The following MMP26 variants were observed in gnomAD, a reference collection of about 807,000 sequenced individuals.
MMP26 encodes the protein matrix metallopeptidase 26.
A neutral mutation model predicts 31.0 loss-of-function variants in MMP26; 33 were observed. That is an observed-to-expected ratio of 1.06 (90% CI 0.81 to 1.42). The LOEUF (loss-of-function observed/expected upper bound fraction) is 1.42. Ranked by LOEUF, MMP26 falls within the 40% of genes most tolerant of loss-of-function variation. The pLI, the probability that MMP26 is intolerant of heterozygous loss-of-function variation, is 0.00. For synonymous variants in MMP26, 122 were observed against 114.9 expected, an observed-to-expected ratio of 1.06 and a Z score of -0.40; for missense variants, 347 against 316.1, an observed-to-expected ratio of 1.10 and a Z score of -0.74.
intron 2 of MMP26, among the ~76,000 whole-genome samples, chr11:4,872,316 A>G (rs774484819): frequency 7.2e-5 from 11 of 152,132 alleles, no homozygotes; most frequent in Non-Finnish European, 1.3e-4. Flanking sequence ...TTTAAAACCA[A>G]TAAAGAGTCT....
chr11:4,901,423 G>T (rs1018093211), intron 2 of MMP26, among the ~76,000 whole-genome samples: 1 of 152,042 alleles, frequency 6.6e-6, no homozygotes, highest in African/African-American at 2.4e-5. Flanking sequence ...GCCTCCCAAA[G>T]TGCTGGGATT....
rs148858423 is a variant in MMP26, at chr11:4,982,205, T to C, written c.-144-5863T>C. Among the ~76,000 whole-genome samples the C allele has an allele frequency of 2.7e-3, 415 of 152,224 alleles. 8 individuals are homozygous for C. Among genetic ancestry groups the C allele is most frequent in the African/African-American group, 9.8e-3 (408 of 41,530 alleles). On this transcript the variant is annotated intron_variant, in intron 2 of 7. Coordinates refer to ENST00000380390, the MANE Select transcript of MMP26 (RefSeq NM_021801.5). ...AATACATACACCAATAACAGTTGTT[T>C]ATTATCTTTATCAGGAATTATATAC...
At chr11:4,894,997 T>C (rs1850679649) in intron 2 of MMP26, among the ~76,000 whole-genome samples, 1 of 152,022 alleles carries the variant, frequency 6.6e-6, no homozygotes, top group African/African-American at 2.4e-5. Flanking sequence ...AGAGGTAGAG[T>C]TGGCAAAGCC....
intron 2 of MMP26, among the ~76,000 whole-genome samples, chr11:4,779,302 T>C (rs1160726069): frequency 6.6e-6 from 1 of 150,468 alleles, no homozygotes; most frequent in Non-Finnish European, 1.5e-5. Context: ...ACTTTTTTCA[T>C]ATGGAGAATA....
intron 2 of MMP26, among the ~76,000 whole-genome samples, chr11:4,869,347 CA>C (rs1850280584): frequency 6.6e-6 from 1 of 152,132 alleles, no homozygotes; most frequent in South Asian, 2.1e-4. Flanking sequence ...CCAGAATCTA[CA>C]AAGAACTTAA....
rs118154428 is a variant in MMP26 at position 4,788,015 on chromosome 11, A to T, written c.-145+20674A>T. 9.7e-4 allele frequency among the ~76,000 whole-genome samples: 148 copies of T among 152,306 alleles called. 2 individuals are homozygous for T. The East Asian group carries it at 0.025, about 26-fold the overall frequency. On this transcript the variant is annotated intron_variant, in intron 2 of 7. Coordinates refer to ENST00000380390, the MANE Select transcript of MMP26 (RefSeq NM_021801.5). Reference sequence around the variant, plus strand: ...AATTTATATCCACAGCTATTGTCTCAAAATCCCATGCTCTTCCTGGATATC... The same window carrying T: ...AATTTATATCCACAGCTATTGTCTCTAAATCCCATGCTCTTCCTGGATATC...
At chr11:4,854,375 T>C (rs887133378) in intron 2 of MMP26, among the ~76,000 whole-genome samples, 3 of 152,180 alleles carry the variant, frequency 2.0e-5, no homozygotes, top group Admixed American at 1.3e-4. Flanking sequence ...AATACTGCGC[T>C]TTTCCAACAG....
rs1349683297 is a variant in MMP26, at chr11:4,945,960, T to C, written c.-144-42108T>C. ...CATAAGACATTTATTTTTATTCTGC[T>C]TAACTGAAATGGGGACATAAGGCAA... On this transcript the variant is annotated intron_variant, in intron 2 of 7. Coordinates refer to ENST00000380390, the MANE Select transcript of MMP26 (RefSeq NM_021801.5). 6.7e-6 allele frequency: 4 copies of C among 594,670 alleles called. No individual in the cohort carries two copies. In the African/African-American group the frequency reaches 7.5e-5, roughly 11 times the overall value. 36.8% of individuals were successfully genotyped at this position (594,670 alleles called of 1,614,324 possible).
intron 2 of MMP26, among the ~76,000 whole-genome samples, chr11:4,844,415 A>G (rs569733334): frequency 1.2e-4 from 18 of 152,288 alleles, no homozygotes; most frequent in South Asian, 2.1e-4. Context: ...CACTCATTCT[A>G]TGAGGTCAGT....
intron 2 of MMP26, chr11:4,769,541 A>C (rs772266655): frequency 6.2e-7 from 1 of 1,613,810 alleles, no homozygotes; most frequent in Non-Finnish European, 8.5e-7. Flanking sequence ...ACAGATGGCC[A>C]CATAACGGTC....
At chr11:4,750,437 C>T (rs11033697) in intron 1 of MMP26, among the ~76,000 whole-genome samples, 1 of 151,820 alleles carries the variant, frequency 6.6e-6, no homozygotes, top group Non-Finnish European at 1.5e-5. Flanking sequence ...CCCAAGGGAA[C>T]ATAAATTATT....
intron 2 of MMP26, among the ~76,000 whole-genome samples, chr11:4,933,901 A>T (rs1851391379): frequency 6.7e-6 from 1 of 148,694 alleles, no homozygotes; most frequent in Admixed American, 6.8e-5. Flanking sequence ...AAGGACGTGA[A>T]CTCATCATTT....
chr11:4,728,611 T>A (rs184808661), intron 1 of MMP26, among the ~76,000 whole-genome samples: 1 of 152,320 alleles, frequency 6.6e-6, no homozygotes, highest in African/African-American at 2.4e-5. Flanking sequence ...TTAATTAGTT[T>A]TCTGCATACA....
chr11:4,952,962 A>G (rs1846388737), intron 2 of MMP26, among the ~76,000 whole-genome samples: 1 of 123,410 alleles, frequency 8.1e-6, no homozygotes, highest in Non-Finnish European at 1.8e-5. Flanking sequence ...AGTGTAGGAG[A>G]CTTGAACTGG....
chr11:4,817,625 T>G (rs1161413542), intron 2 of MMP26, among the ~76,000 whole-genome samples: 1 of 152,178 alleles, frequency 6.6e-6, no homozygotes, highest in East Asian at 1.9e-4. Flanking sequence ...ACAAAACTTT[T>G]TCATATTTTG....
chr11:4,914,244 C>G (rs912291689), intron 2 of MMP26: 1 of 158,510 alleles, frequency 6.3e-6, no homozygotes, highest in African/African-American at 2.4e-5. Context: ...TGGGCCTTCT[C>G]CACGTCGCCT....
chr11:4,796,954 C>T (rs560329572), intron 2 of MMP26, among the ~76,000 whole-genome samples: 1 of 152,148 alleles, frequency 6.6e-6, no homozygotes, highest in East Asian at 1.9e-4. Flanking sequence ...TACTCACCTG[C>T]TCAGTGAGAG....
intron 2 of MMP26, among the ~76,000 whole-genome samples, chr11:4,819,238 C>A (rs973027834): frequency 6.6e-6 from 1 of 152,124 alleles, no homozygotes; most frequent in Non-Finnish European, 1.5e-5. Context: ...AACACCAAAA[C>A]TGGTTTTCAG....
chr11:4,857,453 G>A (rs1332667988), intron 2 of MMP26, among the ~76,000 whole-genome samples: 1 of 152,112 alleles, frequency 6.6e-6, no homozygotes, highest in East Asian at 1.9e-4. Context: ...ACACCTCTGT[G>A]CAAATAAACT....
Sources: gnomAD v4.1 joint callset for allele counts (sites outside exome capture counted in the v4.1 genomes callset) on GRCh38, gnomAD v4.1.1 for gene constraint, MANE v1.5 for transcripts, NCBI Gene and HGNC (gene_info 2026-07-23, HGNC 2026-07-21) for gene names.